ZDHHC14: variants seen among roughly 807,000 people sequenced by gnomAD.
ZDHHC14 encodes the protein zDHHC palmitoyltransferase 14, also known as palmitoyltransferase ZDHHC14.
Under a neutral mutation model 47.7 loss-of-function variants are expected in ZDHHC14, and 16 were observed. That is an observed-to-expected ratio of 0.34 (90% CI 0.23 to 0.51). The LOEUF is 0.51. Among genes scored for constraint, ZDHHC14 ranks in the 20% least tolerant of loss-of-function variants. The pLI is 0.97. For synonymous variants in ZDHHC14, 293 were observed against 278.9 expected (o/e 1.05, Z -0.50); for missense variants, 515 against 662.5 (o/e 0.78, Z 2.44).
intron 2 of ZDHHC14, among the ~76,000 whole-genome samples, chr6:157,554,018 A>G (rs1296261733): frequency 6.6e-6 from 1 of 152,212 alleles, no homozygotes; most frequent in Non-Finnish European, 1.5e-5. Context: ...TAGAGAAAAA[A>G]CTTGGCTGAC....
At chr6:157,477,201 G>A (rs779388908) in intron 1 of ZDHHC14, among the ~76,000 whole-genome samples, 41 of 152,174 alleles carry the variant, frequency 2.7e-4, no homozygotes, top group Admixed American at 1.3e-4. Flanking sequence ...CCAACATGGT[G>A]AAACCCCGTC....
rs550108726 is a variant in ZDHHC14, at chr6:157,584,336, G to C, written c.407-8652G>C. ...GCTGGAGGTGCCAGCATAGTGACTA[G>C]GCCCTTTGTTCCTTCCCCAGCCCAA... On this transcript the variant is annotated intron_variant, in intron 2 of 8. Transcript: ENST00000359775. Among the ~76,000 whole-genome samples the C allele has an allele frequency of 2.0e-5, 3 of 152,250 alleles. No individual in the cohort carries two copies. The South Asian group carries it at 6.2e-4, about 32-fold the overall frequency.
intron 1 of ZDHHC14, among the ~76,000 whole-genome samples, chr6:157,413,806 C>T (rs1028987670): frequency 6.6e-5 from 10 of 152,134 alleles, no homozygotes; most frequent in African/African-American, 2.4e-4. Flanking sequence ...ATCCATGTGG[C>T]TTCTCATGGA....
At chr6:157,501,751 T>C (rs1369184115) in intron 1 of ZDHHC14, among the ~76,000 whole-genome samples, 1 of 152,220 alleles carries the variant, frequency 6.6e-6, no homozygotes, top group Non-Finnish European at 1.5e-5. Flanking sequence ...TGTAGCAGAG[T>C]ATCAATGGTT....
chr6:157,503,828 G>A (rs754713459), intron 1 of ZDHHC14, among the ~76,000 whole-genome samples: 4 of 152,096 alleles, frequency 2.6e-5, no homozygotes, highest in Non-Finnish European at 5.9e-5. Flanking sequence ...ACCAAGCGTT[G>A]GCAATGATGC....
chr6:157,460,405 GAAAAAAAAAAAAAA>G lies in ZDHHC14; in HGVS notation c.245+78156_245+78169del, dbSNP rs1164382844. 1.2e-3 allele frequency among the ~76,000 whole-genome samples: 52 copies of G among 43,390 alleles called. No homozygotes were observed. The South Asian group carries it at 0.027, about 23-fold the overall frequency. The allele number at this position is 43,390 out of a possible 152,430, so 28.5% of individuals were successfully genotyped here. A position where few individuals can be genotyped will look rare whatever the true frequency, so the allele number is the denominator to read the frequency against. ...CAGAGCCAGACTCACTCTCTCTCTG[GAAAAAAAAAAAAAA>G]AAAAAAAAAAAAAAAAGAGTCATTC... On this transcript the variant is annotated intron_variant, in intron 1 of 8. Coordinates refer to ENST00000359775, the MANE Select transcript of ZDHHC14 (RefSeq NM_024630.3).
intron 1 of ZDHHC14, among the ~76,000 whole-genome samples, chr6:157,384,945 A>T (rs548318171): frequency 6.6e-6 from 1 of 152,208 alleles, no homozygotes; most frequent in East Asian, 1.9e-4. Context: ...TTTTTTAAAA[A>T]TTTATTTTTA....
At chr6:157,668,888 A>G (rs1286376534) in intron 8 of ZDHHC14, among the ~76,000 whole-genome samples, 1 of 152,214 alleles carries the variant, frequency 6.6e-6, no homozygotes, top group Non-Finnish European at 1.5e-5. Context: ...TAGGTACAGC[A>G]TGGCAAAGCA....
At chr6:157,612,043 C>T (rs1335667664) in intron 3 of ZDHHC14, among the ~76,000 whole-genome samples, 2 of 152,170 alleles carry the variant, frequency 1.3e-5, no homozygotes, top group African/African-American at 4.8e-5. Flanking sequence ...CCAGTGACCC[C>T]CCACCTTGCT....
In ZDHHC14 at chr6:157,663,167, A is replaced by G. The variant is rs932928550; in HGVS notation, c.1068+9540A>G. On this transcript the variant is annotated intron_variant, in intron 8 of 8. Coordinates refer to ENST00000359775, the MANE Select transcript of ZDHHC14 (RefSeq NM_024630.3). ...GTGAGAAACCCAGGTTGCTTCTGGAAGAAGTCCTTTTGGTCTCAAGGCTTC... is the reference window on the plus strand; with the variant it reads ...GTGAGAAACCCAGGTTGCTTCTGGAGGAAGTCCTTTTGGTCTCAAGGCTTC... Among the ~76,000 whole-genome samples, 5 of 152,242 alleles carry G rather than the reference A, an allele frequency of 3.3e-5. No individual in the cohort carries two copies. The East Asian group carries it at 9.6e-4, about 29-fold the overall frequency.
chr6:157,505,012 G>A (rs140616073), intron 1 of ZDHHC14, among the ~76,000 whole-genome samples: 1,836 of 152,016 alleles, frequency 0.012, 18 homozygotes, highest in Non-Finnish European at 0.018. Context: ...GTTTCACCCT[G>A]TTGGCCATGC....
At chr6:157,467,583 T>C (rs1356920233) in intron 1 of ZDHHC14, among the ~76,000 whole-genome samples, 1 of 151,766 alleles carries the variant, frequency 6.6e-6, no homozygotes, top group African/African-American at 2.4e-5. Context: ...GGAGCCTCAC[T>C]CTATTGCCTA....
chr6:157,599,347 G>A (rs1027452746), intron 3 of ZDHHC14, among the ~76,000 whole-genome samples: 14 of 152,152 alleles, frequency 9.2e-5, no homozygotes, highest in African/African-American at 1.7e-4. Context: ...GGACGTTTGC[G>A]GCACCACCAC....
At chr6:157,405,763 C>T (rs955245219) in intron 1 of ZDHHC14, among the ~76,000 whole-genome samples, 1 of 152,194 alleles carries the variant, frequency 6.6e-6, no homozygotes, top group African/African-American at 2.4e-5. Flanking sequence ...CTGCTTGTCA[C>T]TTTATAAGTG....
chr6:157,560,971 A>C (rs985719481), intron 2 of ZDHHC14, among the ~76,000 whole-genome samples: 28 of 152,254 alleles, frequency 1.8e-4, no homozygotes, highest in Non-Finnish European at 3.8e-4. Flanking sequence ...AAATTGAACA[A>C]GACTGTAATG....
At chr6:157,475,925 A>G (rs1376738965) in intron 1 of ZDHHC14, among the ~76,000 whole-genome samples, 4 of 152,172 alleles carry the variant, frequency 2.6e-5, no homozygotes, top group East Asian at 1.9e-4. Flanking sequence ...GAAGTACATC[A>G]TATCAAAACT....
intron 2 of ZDHHC14, among the ~76,000 whole-genome samples, chr6:157,555,368 T>C (rs1345269470): frequency 6.6e-6 from 1 of 152,216 alleles, no homozygotes; most frequent in Non-Finnish European, 1.5e-5. Context: ...CAGCAGGACG[T>C]CTGTCCTGTA....
intron 3 of ZDHHC14, among the ~76,000 whole-genome samples, chr6:157,621,971 C>T (rs935224414): frequency 3.3e-5 from 5 of 152,138 alleles, no homozygotes; most frequent in African/African-American, 9.7e-5. Flanking sequence ...ATTTCCTCCG[C>T]TGTCAGATAT....
chr6:157,600,651 C>G (rs577985560), intron 3 of ZDHHC14, among the ~76,000 whole-genome samples: 5 of 152,278 alleles, frequency 3.3e-5, no homozygotes, highest in Admixed American at 6.5e-5. Context: ...AGTGATTGGC[C>G]CACCTTGACA....
Sources: allele counts gnomAD v4.1 joint callset (sites outside exome capture counted in the v4.1 genomes callset), GRCh38; gene constraint gnomAD v4.1.1; transcripts MANE v1.5; gene names NCBI Gene and HGNC (gene_info 2026-07-23, HGNC 2026-07-21).